Variants in INPP5F observed in about 807,000 individuals in gnomAD.
The protein encoded by INPP5F is phosphatidylinositide 4-phosphatase SAC2.
A neutral mutation model predicts 137.2 loss-of-function variants in INPP5F; 97 were observed. The observed-to-expected ratio is 0.71, with a 90% CI of 0.60 to 0.84. The LOEUF is 0.84. Among genes scored for constraint, INPP5F ranks in the 40% least tolerant of loss-of-function variants. The pLI, the probability that INPP5F is intolerant of heterozygous loss-of-function variation, is 0.00. For missense variants in INPP5F, 1,271 were observed against 1,371.9 expected, an observed-to-expected ratio of 0.93 and a Z score of 1.16; for synonymous variants, 504 against 476.9, an observed-to-expected ratio of 1.06 and a Z score of -0.74.
At chr10:119,727,668 T>C (rs2134093641) in intron 1 of INPP5F, among the ~76,000 whole-genome samples, 2 of 152,240 alleles carry the variant, frequency 1.3e-5, no homozygotes, top group East Asian at 3.8e-4. Flanking sequence ...GTCTATATTT[T>C]CTTGCTATTA....
At chr10:119,744,238 C>T (rs543619262) in intron 1 of INPP5F, among the ~76,000 whole-genome samples, 1 of 152,290 alleles carries the variant, frequency 6.6e-6, no homozygotes, top group African/African-American at 2.4e-5. Context: ...ACATGCATTT[C>T]AAGCACACAT....
At chr10:119,791,449 A>G in intron 3 of INPP5F, 68 bp from the exon 4 acceptor site, 1 of 1,256,470 alleles carries the variant, frequency 8.0e-7, no homozygotes. Flanking sequence ...AGTAGCATTC[A>G]CTTTTGCACT....
At chr10:119,731,694 A>G (rs142108885) in intron 1 of INPP5F, among the ~76,000 whole-genome samples, 260 of 152,310 alleles carry the variant, frequency 1.7e-3, no homozygotes, top group African/African-American at 6.1e-3. Context: ...AAAAATTTGC[A>G]AATTACCATG....
chr10:119,796,482 T>C (rs2134221769), intron 6 of INPP5F, among the ~76,000 whole-genome samples: 1 of 152,294 alleles, frequency 6.6e-6, no homozygotes. Flanking sequence ...ATGGTGAGCT[T>C]GGATTTGTAC....
At chr10:119,814,619 T>C (rs1851190105) in intron 15 of INPP5F, 2 of 152,228 alleles carry the variant, frequency 1.3e-5, no homozygotes, top group South Asian at 4.1e-4. Context: ...CAAGTGAAGC[T>C]GAAACACACG....
At chr10:119,758,901 TTCTG>T (rs1371091108) in intron 2 of INPP5F, among the ~76,000 whole-genome samples, 1 of 152,246 alleles carries the variant, frequency 6.6e-6, no homozygotes, top group Non-Finnish European at 1.5e-5. Context: ...GATTTTAGTC[TTCTG>T]TCTATGGAGA....
intron 13 of INPP5F, among the ~76,000 whole-genome samples, chr10:119,808,692 A>G (rs1850901981): frequency 6.6e-6 from 1 of 152,216 alleles, no homozygotes; most frequent in South Asian, 2.1e-4. Context: ...TTAAATATAA[A>G]ATATATTCTC....
At chr10:119,731,932 A>G (rs532718254) in intron 1 of INPP5F, among the ~76,000 whole-genome samples, 12 of 152,170 alleles carry the variant, frequency 7.9e-5, no homozygotes, top group African/African-American at 2.4e-4. Flanking sequence ...ATGCATGTAC[A>G]TATTTGTATG....
intron 2 of INPP5F, among the ~76,000 whole-genome samples, chr10:119,779,757 GCTTACTGTAACTTTT>G (rs879283296): frequency 6.6e-6 from 1 of 152,032 alleles, no homozygotes; most frequent in East Asian, 1.9e-4. Context: ...ATTAACCTTA[GCTTACTGTAACTTTT>G]CTACTTTATA....
chr10:119,777,713 A>G (rs927262664), intron 2 of INPP5F, among the ~76,000 whole-genome samples: 1 of 152,202 alleles, frequency 6.6e-6, no homozygotes, highest in African/African-American at 2.4e-5. Context: ...AATGTTTCAC[A>G]TAACACCTAC....
chr10:119,810,067 A>C lies in INPP5F; in HGVS notation c.1570-33A>C, dbSNP rs747426819. On this transcript the variant is annotated intron_variant, in intron 13 of 19. Transcript: ENST00000650623. ...TATTTTGGGGGCATTCTTGTGTTTA[A>C]ATAAGATGTCAAAATCAGTTTTTGT... 4.8e-6 allele frequency: 6 copies of C among 1,253,926 alleles called. No individual in the cohort carries two copies. In the African/African-American group the frequency reaches 7.4e-5, roughly 15 times the overall value. 77.7% of individuals were successfully genotyped at this position (1,253,926 alleles called of 1,614,324 possible). A position where few individuals can be genotyped will look rare whatever the true frequency, so the allele number is the denominator to read the frequency against.
At position 119,736,769 on chromosome 10, in the gene INPP5F, A is replaced by T. The variant is rs560988484; in HGVS notation, c.97+10410A>T. Among the ~76,000 whole-genome samples, 28 of 152,310 alleles carry T rather than the reference A, an allele frequency of 1.8e-4. No homozygotes were observed. In the East Asian group the frequency reaches 5.4e-3, roughly 29 times the overall value. ...CCAATTTCTAATTTCCTTCATGATGATCAAAACTTTGTGGCCGTCTTGCTG... is the reference window on the plus strand; with the variant it reads ...CCAATTTCTAATTTCCTTCATGATGTTCAAAACTTTGTGGCCGTCTTGCTG... On this transcript the variant is annotated intron_variant, in intron 1 of 19. Coordinates refer to ENST00000650623, the MANE Select transcript of INPP5F (RefSeq NM_014937.4).
chr10:119,784,406 T>G (rs1849808082), intron 3 of INPP5F, among the ~76,000 whole-genome samples: 1 of 152,244 alleles, frequency 6.6e-6, no homozygotes, highest in Non-Finnish European at 1.5e-5. Flanking sequence ...CTTATTATTT[T>G]TTTAAGAACA....
At chr10:119,749,542 T>C (rs537498475) in intron 1 of INPP5F, among the ~76,000 whole-genome samples, 9 of 152,334 alleles carry the variant, frequency 5.9e-5, no homozygotes, top group Admixed American at 3.9e-4. Flanking sequence ...TAGTTCCACG[T>C]ATAATTTCTG....
At position 119,785,675 on chromosome 10, in the gene INPP5F, A is replaced by G. The variant is rs952178739; in HGVS notation, c.315+3904A>G. 4.5e-4 allele frequency among the ~76,000 whole-genome samples: 68 copies of G among 152,054 alleles called. 1 individual carries two copies. Reference sequence around the variant, plus strand: ...GGAGTTCGAGACCAGCCTGGGCCACATAGCAAGACCCTGTCTCTATGAAAA... The same window carrying G: ...GGAGTTCGAGACCAGCCTGGGCCACGTAGCAAGACCCTGTCTCTATGAAAA... On this transcript the variant is annotated intron_variant, in intron 3 of 19. Coordinates refer to ENST00000650623, the MANE Select transcript of INPP5F (RefSeq NM_014937.4).
rs776771491 is a variant in INPP5F, at chr10:119,791,827, T to C, written c.445-42T>C. On this transcript the variant is annotated intron_variant, in intron 4 of 19. Coordinates refer to ENST00000650623, the MANE Select transcript of INPP5F (RefSeq NM_014937.4). ...TTTATGTGTTATCCCCAGACTACTT[T>C]ACATTTAATTTCTGTAGTAATAGTA... 7.3e-6 allele frequency: 11 copies of C among 1,498,434 alleles called. No homozygotes were observed. The South Asian group carries it at 8.9e-5, about 12-fold the overall frequency. The allele number at this position is 1,498,434 out of a possible 1,614,324, so 92.8% of individuals were successfully genotyped here.
rs545275788 is a variant in INPP5F, at chr10:119,826,550, CTG to C, written c.2250-79_2250-78del. On this transcript the variant is annotated intron_variant, in intron 19 of 19. Transcript: ENST00000650623. ...AAGAAGTTGGGACCAATTTGAATAA[CTG>C]TTTTCACTTATGTTAATAACTGGAA... 1.4e-4 allele frequency: 163 copies of C among 1,137,790 alleles called. No homozygotes were observed. In the African/African-American group the frequency reaches 1.5e-3, roughly 11 times the overall value. The allele number at this position is 1,137,790 out of a possible 1,614,324, so 70.5% of individuals were successfully genotyped here. A position where few individuals can be genotyped will look rare whatever the true frequency, so the allele number is the denominator to read the frequency against.
At chr10:119,813,616 C>A (rs975205003) in intron 15 of INPP5F, among the ~76,000 whole-genome samples, 2 of 151,968 alleles carry the variant, frequency 1.3e-5, no homozygotes, top group East Asian at 1.9e-4. Context: ...CAGAGTGAGA[C>A]CCTGTCTCAA....
intron 1 of INPP5F, among the ~76,000 whole-genome samples, chr10:119,729,793 C>T (rs968894298): frequency 6.8e-6 from 1 of 146,864 alleles, no homozygotes; most frequent in Non-Finnish European, 1.5e-5. Flanking sequence ...CTATATGGCT[C>T]AGGCTGATCT....
Sources: gnomAD v4.1 joint callset for allele counts (sites outside exome capture counted in the v4.1 genomes callset) on GRCh38, gnomAD v4.1.1 for gene constraint, MANE v1.5 for transcripts, NCBI Gene and HGNC (gene_info 2026-07-23, HGNC 2026-07-21) for gene names.